The following FBN3 variants were observed in gnomAD, a reference collection of about 807,000 sequenced individuals.
FBN3 encodes the protein fibrillin-3.
In FBN3, 234 loss-of-function variants were observed where a neutral mutation model predicts 330.1. That is an observed-to-expected ratio of 0.71 (90% CI 0.64 to 0.79). FBN3 has a LOEUF of 0.79. FBN3 is among the 30% of genes least tolerant of loss of function. The probability of loss-of-function intolerance (pLI) is 0.00; values close to 1 mark genes in which losing one functional copy is unlikely to be tolerated. For synonymous variants in FBN3, 1,458 were observed against 1,517.3 expected (o/e 0.96, Z 0.91); for missense variants, 3,606 against 3,886.9 (o/e 0.93, Z 1.92).
chr19:8,117,807 TCACA>T (rs1375783608), intron 26 of FBN3, among the ~76,000 whole-genome samples: 1 of 151,954 alleles, frequency 6.6e-6, no homozygotes, highest in Non-Finnish European at 1.5e-5. Context: ...ACGTGCCCGC[TCACA>T]CAGACTCACA....
At chr19:8,126,119 G>A (rs2082975327) in intron 21 of FBN3, 102 bp from the exon 22 acceptor site, 1 of 1,544,972 alleles carries the variant, frequency 6.5e-7, no homozygotes, top group South Asian at 1.1e-5. Flanking sequence ...GAAGGAAGGG[G>A]ACGGGGACAC....
chr19:8,136,013 C>T lies in FBN3; in HGVS notation c.1539G>A (p.Gln513=). Residue 513 remains glutamine, a synonymous_variant, in exon 13 of 64, where the codon CAG becomes CAA. Coordinates refer to ENST00000600128, the MANE Select transcript of FBN3 (RefSeq NM_032447.5). ...GCTCGAAGCCTGCATTGCAGACACA[C>T]TGGAAGCTGCCCTCTGTGTTGACAC... is the stretch of plus-strand genomic sequence containing the variant. The part of the protein sequence containing the change: ...GRCVNTEGSF[Q]CVCNAGFELS... 1 of 1,578,842 alleles carries T rather than the reference C, an allele frequency of 6.3e-7. No homozygotes were observed. Among genetic ancestry groups the T allele is most frequent in the Non-Finnish European group, 8.6e-7 (1 of 1,159,836 alleles).
At position 8,091,606 on chromosome 19, in the gene FBN3, C is replaced by T. The variant is rs760608314; in HGVS notation, c.5906-16G>A. 4 of 1,613,226 alleles carry T rather than the reference C, an allele frequency of 2.5e-6. No individual in the cohort carries two copies. The highest frequency in any genetic ancestry group is 3.4e-6 in the Non-Finnish European group (4 of 1,179,606). ...TCGTCGATATCTGGAAGGGCAGGGA[C>T]ATGAGCTGGGTGGGGGGCAAGTAGG... On this transcript the variant is annotated splice_polypyrimidine_tract_variant and intron_variant, in intron 47 of 63. Transcript: ENST00000600128.
intron 59 of FBN3, among the ~76,000 whole-genome samples, chr19:8,080,252 C>A (rs1010356146): frequency 1.3e-5 from 2 of 152,190 alleles, no homozygotes; most frequent in Admixed American, 1.3e-4. Context: ...GATTAGTGGG[C>A]GCGTGAAAGG....
chr19:8,099,088 C>A lies in FBN3; in HGVS notation c.5162-1674G>T, dbSNP rs576078496. Among the ~76,000 whole-genome samples the A allele has an allele frequency of 3.5e-4, 53 of 152,156 alleles. 1 individual carries two copies. Among genetic ancestry groups the A allele is most frequent in the Admixed American group, 3.3e-3 (50 of 15,270 alleles). The stretch of plus-strand genomic sequence containing the variant: ...GTAACCAACATGTCAAGCATTACAT[C>A]ATTTACGTAAAATGCCCCAGAAACC... On this transcript the variant is annotated intron_variant, in intron 41 of 63. Transcript: ENST00000600128.
chr19:8,091,337 A>T, intron 48 of FBN3, 128 bp downstream of exon 48: 1 of 1,289,822 alleles, frequency 7.8e-7, no homozygotes, highest in East Asian at 2.3e-5. Flanking sequence ...TGCTAATGCA[A>T]ACAGACACCT....
chr19:8,089,491 C>G, intron 51 of FBN3, 54 bp downstream of exon 51: 4 of 1,608,066 alleles, frequency 2.5e-6, no homozygotes, highest in Non-Finnish European at 3.4e-6. Flanking sequence ...TGCTCTGCTC[C>G]TTCCTGTCCT....
In FBN3 at chr19:8,129,436, G is replaced by A. The variant is rs1448941664; in HGVS notation, c.2045-71C>T. The A allele has an allele frequency of 1.8e-5, 28 of 1,582,114 alleles. No individual in the cohort carries two copies. Among genetic ancestry groups the A allele is most frequent in the East Asian group, 4.5e-5 (2 of 44,632 alleles). ...GTCCGAGGCAGGAGGAGGGTGTGTC[G>A]CGGCGCACCAGGGGTCTCTAGAAGT... On this transcript the variant is annotated intron_variant, in intron 16 of 63. Transcript: ENST00000600128. This position sits in a 1 kb window ranked among gnomAD's most constrained non-coding sequence, Gnocchi z 4.5.
At chr19:8,117,050 T>C (rs1380650042) in intron 28 of FBN3, 119 bp downstream of exon 28, 10 of 1,441,608 alleles carry the variant, frequency 6.9e-6, no homozygotes, top group Non-Finnish European at 8.4e-6. Flanking sequence ...AGGCAGGGGG[T>C]GCCTCGGGTC....
chr19:8,111,952 C>A, intron 31 of FBN3, 25 bp downstream of exon 31: 1 of 1,373,714 alleles, frequency 7.3e-7, no homozygotes, highest in Non-Finnish European at 9.9e-7. Flanking sequence ...TGCTTTGCCC[C>A]CACTCCCTGC....
chr19:8,138,670 C>T (rs963830553), intron 8 of FBN3, 106 bp from the exon 9 acceptor site: 7 of 1,174,612 alleles, frequency 6.0e-6, no homozygotes, highest in African/African-American at 1.5e-5. Flanking sequence ...GTCTGTTTGC[C>T]GCTCTGTGCC....
rs1568342681 is a variant in FBN3, at chr19:8,066,152, G to A, written c.8197C>T (p.Leu2733=). The A allele has an allele frequency of 6.2e-7, 1 of 1,613,396 alleles. No homozygotes were observed. The highest frequency in any genetic ancestry group is 1.7e-5 in the Admixed American group (1 of 60,018). The change falls in exon 64 of 64, where the codon CTA becomes TTA. Residue 2733 remains leucine, a synonymous_variant. Coordinates refer to ENST00000600128, the MANE Select transcript of FBN3 (RefSeq NM_032447.5). The part of the protein sequence containing the change: ...ILELRPALEG[L]EGRIRYVIVR... ...ATGACGTAGCGGATCCGGCCCTCTA[G>A]ACCCTCCAGGGCCGGCCGGAGCTCC...
At position 8,136,955 on chromosome 19, in the gene FBN3, A is replaced by C. The variant is rs1315252519; in HGVS notation, c.1202-424T>G. Among the ~76,000 whole-genome samples, 328 of 62,178 alleles carry C rather than the reference A, an allele frequency of 5.3e-3. 1 individual carries two copies. Among genetic ancestry groups the C allele is most frequent in the African/African-American group, 9.7e-3 (108 of 11,092 alleles). 40.8% of individuals were successfully genotyped at this position (62,178 alleles called of 152,430 possible). A position where few individuals can be genotyped will look rare whatever the true frequency, so the allele number is the denominator to read the frequency against. ...GATCCCTCCAACCTGGGGTCTAGAT[A>C]CCTCCAACCTGGGGCCTGGATCCCT... is the stretch of plus-strand genomic sequence containing the variant. On this transcript the variant is annotated intron_variant, in intron 10 of 63. Coordinates refer to ENST00000600128, the MANE Select transcript of FBN3 (RefSeq NM_032447.5).
At chr19:8,146,438 T>C (rs1410678522) in intron 3 of FBN3, among the ~76,000 whole-genome samples, 1 of 152,156 alleles carries the variant, frequency 6.6e-6, no homozygotes, top group Admixed American at 6.5e-5. Flanking sequence ...GGCTGTGGGT[T>C]GGGGACTCTG....
In FBN3 at chr19:8,129,065, G is replaced by A. The variant is rs60853419; in HGVS notation, c.2259C>T (p.Pro753=). 2.0e-5 allele frequency: 32 copies of A among 1,612,410 alleles called. No individual in the cohort carries two copies. The highest frequency in any genetic ancestry group is 1.6e-4 in the East Asian group (7 of 44,686). The part of the protein sequence containing the change: ...SPGSYSCSCP[P]GFHFWQDTEI... ...CCGTGTCCTGCCAGAAGTGGAAGCC[G>A]GGGGGGCAGGAGCAGCTGTAGCTGC... The change falls in exon 18 of 64, where the codon CCC becomes CCT. Residue 753 remains proline, a synonymous_variant. Transcript: ENST00000600128. The surrounding 1 kb of genome is among the most constrained non-coding windows in gnomAD (Gnocchi z 4.5).
At chr19:8,138,000 C>G (rs976857746) in intron 10 of FBN3, 141 bp downstream of exon 10, 1 of 943,570 alleles carries the variant, frequency 1.1e-6, no homozygotes, top group Non-Finnish European at 1.5e-6. Context: ...GTCATCCCTA[C>G]TAGCCAGGCC....
intron 29 of FBN3, 136 bp from the exon 30 acceptor site, chr19:8,115,776 T>C (rs1386021525): frequency 9.8e-7 from 1 of 1,018,126 alleles, no homozygotes; most frequent in Admixed American, 2.3e-5. Context: ...GGACTCTCTT[T>C]CTTTTCTCCA....
At position 8,129,087 on chromosome 19, in the gene FBN3, C is replaced by G. The variant is rs1390756362; in HGVS notation, c.2237G>C (p.Ser746Thr). 6.2e-7 allele frequency: 1 copy of G among 1,613,418 alleles called. No homozygotes were observed. The highest frequency in any genetic ancestry group is 1.1e-5 in the South Asian group (1 of 91,008). The change falls in exon 18 of 64, where the codon AGC becomes ACC. Residue 746 changes from serine (S) to threonine (T), a missense_variant. Ser to Thr is a moderately conservative substitution (Grantham distance 58). Transcript: ENST00000600128. This position sits in a 1 kb window ranked among gnomAD's most constrained non-coding sequence, Gnocchi z 4.5. ...DNGWCQNSPG[S>T]YSCSCPPGFH... ...GCCGGGGGGGCAGGAGCAGCTGTAG[C>G]TGCCAGGGCTATTCTGGCACCACCC... is the stretch of plus-strand genomic sequence containing the variant.
chr19:8,117,613 A>G lies in FBN3; in HGVS notation c.3338-24T>C, dbSNP rs985027538. On this transcript the variant is annotated intron_variant, in intron 26 of 63. Coordinates refer to ENST00000600128, the MANE Select transcript of FBN3 (RefSeq NM_032447.5). Reference sequence around the variant, plus strand: ...GTCTGTGGGGGAGTGCAGGTGAAAGACGGGCCTGTGCCCCATCTGCCGTCT... The same window carrying G: ...GTCTGTGGGGGAGTGCAGGTGAAAGGCGGGCCTGTGCCCCATCTGCCGTCT... 4.0e-6 allele frequency: 6 copies of G among 1,512,360 alleles called. No individual in the cohort carries two copies. In the African/African-American group the frequency reaches 6.9e-5, roughly 17 times the overall value. The allele number at this position is 1,512,360 out of a possible 1,614,324, so 93.7% of individuals were successfully genotyped here. A position where few individuals can be genotyped will look rare whatever the true frequency, so the allele number is the denominator to read the frequency against.
Sources: gnomAD v4.1 joint callset for allele counts (sites outside exome capture counted in the v4.1 genomes callset) on GRCh38, gnomAD v4.1.1 for gene constraint, Gnocchi (gnomAD v3.1) non-coding constraint, MANE v1.5 for transcripts, NCBI Gene and HGNC (gene_info 2026-07-23, HGNC 2026-07-21) for gene names.